Variants in RGL4 observed in about 807,000 individuals in gnomAD.
RGL4 encodes the protein ral-GDS-related protein.
Under a neutral mutation model 49.6 loss-of-function variants are expected in RGL4, and 41 were observed. The observed-to-expected ratio is 0.83, with a 90% CI of 0.64 to 1.07. RGL4 has a LOEUF of 1.07. RGL4 is among the 50% of genes least tolerant of loss of function. The pLI, the probability that RGL4 is intolerant of heterozygous loss-of-function variation, is 0.00. For synonymous variants in RGL4, 255 were observed against 238.0 expected (o/e 1.07, Z -0.66); for missense variants, 610 against 591.9 (o/e 1.03, Z -0.32).
chr22:23,694,826 G>A (rs1923377886), intron 5 of RGL4, 124 bp from the exon 6 acceptor site: 6 of 767,900 alleles, frequency 7.8e-6, no homozygotes, highest in Non-Finnish European at 1.1e-5. Flanking sequence ...TGTGATCAGA[G>A]GACTCCACTG....
intron 3 of RGL4, 71 bp from the exon 4 acceptor site, chr22:23,693,688 C>A: frequency 2.4e-6 from 3 of 1,259,334 alleles, no homozygotes; most frequent in Non-Finnish European, 3.5e-6. Flanking sequence ...GAGCTCAGTC[C>A]CTGCCTGGGA....
intron 6 of RGL4, chr22:23,695,279 G>T (rs1008181355): frequency 2.3e-5 from 11 of 473,130 alleles, no homozygotes; most frequent in African/African-American, 2.0e-4. Context: ...CTGCTGGGCT[G>T]CTGAGCAGGG....
chr22:23,692,099 C>G lies in RGL4; in HGVS notation c.69C>G (p.Leu23=). The G allele has an allele frequency of 6.2e-7, 1 of 1,614,148 alleles. No homozygotes were observed. The highest frequency in any genetic ancestry group is 1.1e-5 in the South Asian group (1 of 91,086). Residue 23 remains leucine (L), a synonymous_variant, in exon 1 of 11, where the codon CTC becomes CTG. Coordinates refer to ENST00000290691, the MANE Select transcript of RGL4 (RefSeq NM_153615.2). ...GTGCCCAGGTGTACAGTGCTGTGCT[C>G]CAGGGCCTTTGGGAAGAGAATGTCT... ...VLSAQVYSAV[L]QGLWEENVCG... is the part of the protein sequence containing the mutation.
intron 7 of RGL4, 132 bp downstream of exon 7, chr22:23,696,820 C>A: frequency 1.3e-6 from 1 of 747,614 alleles, no homozygotes; most frequent in Non-Finnish European, 2.2e-6. Context: ...GGCCACTGGG[C>A]CTGGAAAACC....
At chr22:23,698,387 T>G in intron 10 of RGL4, 54 bp downstream of exon 10, 1 of 1,567,878 alleles carries the variant, frequency 6.4e-7, no homozygotes, top group Non-Finnish European at 8.7e-7. Context: ...ATTTTTTTTT[T>G]TTAACATGGT....
At chr22:23,694,847 C>T in intron 5 of RGL4, 103 bp from the exon 6 acceptor site, 1 of 913,932 alleles carries the variant, frequency 1.1e-6, no homozygotes, top group Non-Finnish European at 1.8e-6. Flanking sequence ...AAAACTCTCA[C>T]CCAGTAAGCT....
rs541879352 is a variant in RGL4, at chr22:23,696,594, C to T, written c.1087-20C>T. 208 of 1,613,614 alleles carry T rather than the reference C, an allele frequency of 1.3e-4. 1 individual carries two copies. The African/African-American group carries it at 2.2e-3, about 17-fold the overall frequency. Reference sequence around the variant, plus strand: ...GGAGAGGAGGAGAGCCTCACTGTCCCTGTCGCTGACACCTGGCAGGCGGGG... The same window carrying T: ...GGAGAGGAGGAGAGCCTCACTGTCCTTGTCGCTGACACCTGGCAGGCGGGG... On this transcript the variant is annotated intron_variant, in intron 6 of 10. Transcript: ENST00000290691.
At position 23,693,902 on chromosome 22, in the gene RGL4, C is replaced by T; in HGVS notation, c.840C>T (p.Ser280=). 6.2e-7 allele frequency: 1 copy of T among 1,613,946 alleles called. No individual in the cohort carries two copies. The highest frequency in any genetic ancestry group is 8.5e-7 in the Non-Finnish European group (1 of 1,180,030). The stretch of plus-strand genomic sequence containing the variant: ...GGCTCACCAACTGCATCACCACCTC[C>T]TGCCTCGGGGACCACAGCATGAGGG... The part of the protein sequence containing the change: ...FNRLTNCITT[S]CLGDHSMRAR... Residue 280 remains serine (S), a synonymous_variant, in exon 4 of 11, where the codon TCC becomes TCT. Coordinates refer to ENST00000290691, the MANE Select transcript of RGL4 (RefSeq NM_153615.2).
At chr22:23,696,570 G>A (rs374588520) in intron 6 of RGL4, 44 bp from the exon 7 acceptor site, 7 of 1,612,812 alleles carry the variant, frequency 4.3e-6, no homozygotes, top group Non-Finnish European at 3.4e-6. Context: ...GTAACTGGGG[G>A]AGAGGAGGAG....
Position 23,699,145 on chromosome 22 carries a change from TTAAAA to T in RGL4, c.*269_*273del, listed in dbSNP as rs1446481544. On this transcript the variant is annotated 3_prime_UTR_variant, in exon 11 of 11. Coordinates refer to ENST00000290691, the MANE Select transcript of RGL4 (RefSeq NM_153615.2). ...AGTAAGGGTTTTTTCTTAACTTTCGTTAAAATAAAATTTTAAAAAACTATTCAAAA... is the reference window on the plus strand; with the variant it reads ...AGTAAGGGTTTTTTCTTAACTTTCGTTAAAATTTTAAAAAACTATTCAAAA... The T allele has an allele frequency of 1.4e-6, 2 of 1,442,460 alleles. No individual in the cohort carries two copies. Among genetic ancestry groups the T allele is most frequent in the African/African-American group, 2.9e-5 (2 of 69,564 alleles). The allele number at this position is 1,442,460 out of a possible 1,614,324, so 89.4% of individuals were successfully genotyped here. A position where few individuals can be genotyped will look rare whatever the true frequency, so the allele number is the denominator to read the frequency against.
At chr22:23,698,754 TG>T in intron 10 of RGL4, 89 bp from the exon 11 acceptor site, 2 of 1,464,940 alleles carry the variant, frequency 1.4e-6, no homozygotes. Flanking sequence ...TGGGGACCAC[TG>T]GGGACCCAGG....
chr22:23,697,441 C>T (rs1279732294), intron 8 of RGL4, among the ~76,000 whole-genome samples, 196 bp downstream of exon 8: 1 of 152,190 alleles, frequency 6.6e-6, no homozygotes, highest in Non-Finnish European at 1.5e-5. Context: ...AGCCACCAGG[C>T]CCTATTCCTG....
At position 23,692,003 on chromosome 22, in the gene RGL4, G is replaced by T; in HGVS notation, c.-28G>T. ...TCTGCCCCTTCCCTCCTAACCCCAG[G>T]ACCAGGGGACCCAGATCTGGAGCTT... On this transcript the variant is annotated 5_prime_UTR_variant, in exon 1 of 11. Transcript: ENST00000290691. The T allele has an allele frequency of 6.2e-7, 1 of 1,608,958 alleles. No individual in the cohort carries two copies.
chr22:23,698,605 C>A (rs914594505), intron 10 of RGL4: 64 of 727,208 alleles, frequency 8.8e-5, no homozygotes, highest in Non-Finnish European at 1.6e-4. Flanking sequence ...TGGCCTCAAG[C>A]AATCCACCCA....
In RGL4 at chr22:23,691,322, T is replaced by C. The variant is rs918733269; in HGVS notation, c.-709T>C. The C allele has an allele frequency of 2.0e-5, 3 of 152,200 alleles. No homozygotes were observed. The highest frequency in any genetic ancestry group is 4.8e-5 in the African/African-American group (2 of 41,432). 9.4% of individuals were successfully genotyped at this position (152,200 alleles called of 1,614,324 possible). A position where few individuals can be genotyped will look rare whatever the true frequency, so the allele number is the denominator to read the frequency against. On this transcript the variant is annotated 5_prime_UTR_variant, in exon 1 of 11. Coordinates refer to ENST00000290691, the MANE Select transcript of RGL4 (RefSeq NM_153615.2). Reference sequence around the variant, plus strand: ...TGTCTGAGATTCCTTCTGGCTGGTCTTTCTCCTTGACACAGACAGAAGAGG... The same window carrying C: ...TGTCTGAGATTCCTTCTGGCTGGTCCTTCTCCTTGACACAGACAGAAGAGG...
At chr22:23,696,812 C>G in intron 7 of RGL4, 124 bp downstream of exon 7, 2 of 817,314 alleles carry the variant, frequency 2.4e-6, no homozygotes, top group Non-Finnish European at 3.8e-6. Flanking sequence ...CCTCCTGTGG[C>G]CACTGGGCCT....
chr22:23,693,695 G>A, intron 3 of RGL4, 64 bp from the exon 4 acceptor site: 1 of 1,316,572 alleles, frequency 7.6e-7, no homozygotes. Context: ...GTCCCTGCCT[G>A]GGACTGTGGG....
Position 23,692,760 on chromosome 22 carries a change from G to A in RGL4, c.465G>A (p.Glu155=). ...PLLADLGPAL[E]PESPAALGPP... ...TGGCGGACCTGGGGCCTGCTCTGGA[G>A]CCAGAGTCACCTGCAGCCCTGGGTC... Residue 155 remains glutamate (E), a synonymous_variant, in exon 3 of 11, where the codon GAG becomes GAA. Transcript: ENST00000290691. 1 of 1,613,492 alleles carries A rather than the reference G, an allele frequency of 6.2e-7. No individual in the cohort carries two copies. The highest frequency in any genetic ancestry group is 8.5e-7 in the Non-Finnish European group (1 of 1,180,034).
At chr22:23,698,108 C>CT in intron 9 of RGL4, 104 bp from the exon 10 acceptor site, 1 of 1,476,566 alleles carries the variant, frequency 6.8e-7, no homozygotes, top group Non-Finnish European at 9.2e-7. Context: ...CATGGGACCC[C>CT]TTCAGAAAAC....
Sources: gnomAD v4.1 joint callset for allele counts (sites outside exome capture counted in the v4.1 genomes callset) on GRCh38, gnomAD v4.1.1 for gene constraint, MANE v1.5 for transcripts, NCBI Gene and HGNC (gene_info 2026-07-23, HGNC 2026-07-21) for gene names.